Variants in PODXL observed in about 807,000 individuals in gnomAD.
The protein encoded by PODXL is podocalyxin like.
A neutral mutation model predicts 48.9 loss-of-function variants in PODXL; 20 were observed. The ratio of observed to expected loss-of-function variants is 0.41; its 90% CI spans 0.29 to 0.59. PODXL has a LOEUF of 0.59. Among genes scored for constraint, PODXL ranks in the 20% least tolerant of loss-of-function variants. The pLI, the probability that PODXL is intolerant of heterozygous loss-of-function variation, is 0.31. For missense variants in PODXL, 606 were observed against 675.1 expected, an observed-to-expected ratio of 0.90 and a Z score of 1.13; for synonymous variants, 295 against 287.4, an observed-to-expected ratio of 1.03 and a Z score of -0.27.
At chr7:131,524,234 T>C (rs886682412) in intron 1 of PODXL, among the ~76,000 whole-genome samples, 1 of 152,114 alleles carries the variant, frequency 6.6e-6, no homozygotes, top group African/African-American at 2.4e-5. Context: ...AACATCATAC[T>C]TAATGGGAAG....
chr7:131,537,718 T>A (rs1480225804), intron 1 of PODXL, among the ~76,000 whole-genome samples: 1 of 151,900 alleles, frequency 6.6e-6, no homozygotes, highest in Non-Finnish European at 1.5e-5. Flanking sequence ...TCAGAAGCCC[T>A]GCCTGTGTTC....
In PODXL at chr7:131,548,858, C is replaced by A. The variant is rs1413335195; in HGVS notation, c.100+7402G>T. 3.3e-5 allele frequency among the ~76,000 whole-genome samples: 5 copies of A among 152,196 alleles called. 1 individual carries two copies. Among genetic ancestry groups the A allele is most frequent in the African/African-American group, 2.4e-5 (1 of 41,428 alleles). On this transcript the variant is annotated intron_variant, in intron 1 of 8. Coordinates refer to ENST00000378555, the MANE Select transcript of PODXL (RefSeq NM_001018111.3). ...ACCTAGGCCGGCCCCCACCTGCCAC[C>A]TCTTTCTTGAATCAGGTAGCCTTGC...
At chr7:131,553,152 G>A (rs531732142) in intron 1 of PODXL, among the ~76,000 whole-genome samples, 2 of 152,036 alleles carry the variant, frequency 1.3e-5, no homozygotes, top group South Asian at 2.1e-4. Context: ...TCCATCTCAA[G>A]AACCACCATC....
intron 1 of PODXL, among the ~76,000 whole-genome samples, chr7:131,540,485 C>T (rs1798457286): frequency 6.6e-6 from 1 of 151,990 alleles, no homozygotes; most frequent in Non-Finnish European, 1.5e-5. Flanking sequence ...ACCCATCACA[C>T]TGGGTCTGCA....
At chr7:131,533,268 G>A in intron 1 of PODXL, among the ~76,000 whole-genome samples, 1 of 152,214 alleles carries the variant, frequency 6.6e-6, no homozygotes, top group Admixed American at 6.5e-5. Context: ...GACCCTGGCA[G>A]CTGTGAGACT....
At chr7:131,540,159 C>T (rs1318127520) in intron 1 of PODXL, among the ~76,000 whole-genome samples, 1 of 152,134 alleles carries the variant, frequency 6.6e-6, no homozygotes, top group African/African-American at 2.4e-5. Context: ...GATCCTCCCA[C>T]CTCAGCCTGC....
At position 131,506,712 on chromosome 7, in the gene PODXL, C is replaced by T. The variant is rs148126722; in HGVS notation, c.1116G>A (p.Ser372=). The T allele has an allele frequency of 2.5e-5, 40 of 1,614,148 alleles. No individual in the cohort carries two copies. The East Asian group carries it at 5.3e-4, about 22-fold the overall frequency. ...TGNTLCAGGA[S]DEKLISLICR... is the part of the protein sequence containing the mutation. ...ATATCAGTGAGATCAATTTCTCATC[C>T]GAAGCGCCCCCTGCCTATGGTGGGG... The change falls in exon 6 of 9, where the codon TCG becomes TCA. Residue 372 remains serine (S), a synonymous_variant. Transcript: ENST00000378555.
chr7:131,526,282 G>T (rs1290997356), intron 1 of PODXL, among the ~76,000 whole-genome samples: 1 of 152,186 alleles, frequency 6.6e-6, no homozygotes, highest in Non-Finnish European at 1.5e-5. Flanking sequence ...ACAGGAAAGA[G>T]CTCATAATGG....
intron 1 of PODXL, among the ~76,000 whole-genome samples, chr7:131,550,780 TGCAC>T (rs1257597964): frequency 2.0e-5 from 3 of 151,714 alleles, no homozygotes; most frequent in Non-Finnish European, 4.4e-5. Context: ...CACACATACA[TGCAC>T]GCACACACAC....
intron 1 of PODXL, among the ~76,000 whole-genome samples, chr7:131,546,180 A>T (rs549975021): frequency 1.3e-5 from 2 of 152,316 alleles, no homozygotes; most frequent in African/African-American, 4.8e-5. Flanking sequence ...GCTCGATGGC[A>T]TCAAGAGGAA....
chr7:131,519,827 A>G (rs1798064900), intron 1 of PODXL, among the ~76,000 whole-genome samples: 1 of 152,134 alleles, frequency 6.6e-6, no homozygotes, highest in Non-Finnish European at 1.5e-5. Flanking sequence ...GGGTCAAGCA[A>G]TCCTCCTACT....
At chr7:131,522,649 C>G (rs1054671255) in intron 1 of PODXL, among the ~76,000 whole-genome samples, 1 of 139,548 alleles carries the variant, frequency 7.2e-6, no homozygotes, top group African/African-American at 2.6e-5. Context: ...CATAAACCTT[C>G]GCACTAAAGA....
chr7:131,504,227 G>T lies in PODXL; in HGVS notation c.*84C>A. Reference sequence around the variant, plus strand: ...CCTCGGAGTTCACTCTCCCTCCCCAGTCTTTCCCTTCCCCATCCAAACGGC... The same window carrying T: ...CCTCGGAGTTCACTCTCCCTCCCCATTCTTTCCCTTCCCCATCCAAACGGC... On this transcript the variant is annotated 3_prime_UTR_variant, in exon 9 of 9. Coordinates refer to ENST00000378555, the MANE Select transcript of PODXL (RefSeq NM_001018111.3). 1 of 1,161,594 alleles carries T rather than the reference G, an allele frequency of 8.6e-7. No homozygotes were observed. The highest frequency in any genetic ancestry group is 1.3e-6 in the Non-Finnish European group (1 of 793,718). 72.0% of individuals were successfully genotyped at this position (1,161,594 alleles called of 1,614,324 possible).
chr7:131,520,127 G>T (rs923983827), intron 1 of PODXL: 2 of 230,886 alleles, frequency 8.7e-6, no homozygotes, highest in Admixed American at 5.5e-5. Context: ...TTCCAACTTG[G>T]GTGCGGTAAA....
rs1056322112 is a variant in PODXL, at chr7:131,504,128, A to T, written c.*183T>A. 1 of 601,066 alleles carries T rather than the reference A, an allele frequency of 1.7e-6. No individual in the cohort carries two copies. Among genetic ancestry groups the T allele is most frequent in the Non-Finnish European group, 3.0e-6 (1 of 338,000 alleles). 37.2% of individuals were successfully genotyped at this position (601,066 alleles called of 1,614,324 possible). ...ACTAGTGGGTTATTTTACAAGAGGA[A>T]TCTGGACAGAATGTGATTTGTTCAG... On this transcript the variant is annotated 3_prime_UTR_variant, in exon 9 of 9. Coordinates refer to ENST00000378555, the MANE Select transcript of PODXL (RefSeq NM_001018111.3).
chr7:131,504,574 G>T, intron 8 of PODXL, 66 bp from the exon 9 acceptor site: 1 of 1,325,280 alleles, frequency 7.5e-7, no homozygotes. Context: ...TACAGCGCAT[G>T]TACGTACCCC....
At chr7:131,548,143 TGG>T in intron 1 of PODXL, among the ~76,000 whole-genome samples, 1 of 152,174 alleles carries the variant, frequency 6.6e-6, no homozygotes, top group Non-Finnish European at 1.5e-5. Flanking sequence ...GCCACATAAC[TGG>T]AGGACTAAGT....
chr7:131,535,748 G>A (rs530773409), intron 1 of PODXL, among the ~76,000 whole-genome samples: 2 of 152,192 alleles, frequency 1.3e-5, no homozygotes, highest in African/African-American at 2.4e-5. Flanking sequence ...AGATCCCCCT[G>A]GGGCTAGGCC....
intron 1 of PODXL, chr7:131,520,084 CA>C (rs1276017483): frequency 1.5e-5 from 3 of 194,492 alleles, no homozygotes; most frequent in African/African-American, 7.1e-5. Flanking sequence ...CGGAAATAAT[CA>C]TTTATCCTAT....
Sources: gnomAD v4.1 joint callset for allele counts (sites outside exome capture counted in the v4.1 genomes callset) on GRCh38, gnomAD v4.1.1 for gene constraint, MANE v1.5 for transcripts, NCBI Gene and HGNC (gene_info 2026-07-23, HGNC 2026-07-21) for gene names.